FGD1: variants seen among roughly 807,000 people sequenced by gnomAD.
FGD1 encodes FYVE, RhoGEF and PH domain-containing protein 1.
In FGD1, 12 loss-of-function variants were observed where a neutral mutation model predicts 65.0. The ratio of observed to expected loss-of-function variants is 0.18; its 90% confidence interval spans 0.12 to 0.30. FGD1 has a LOEUF of 0.30. Ranked by LOEUF, FGD1 falls within the 10% of genes least tolerant of loss-of-function variation. The pLI is 1.00. For synonymous variants in FGD1, 333 were observed against 343.9 expected (o/e 0.97, Z 0.35); for missense variants, 542 against 837.6 (o/e 0.65, Z 4.36).
intron 8 of FGD1, among the ~76,000 whole-genome samples, chrX:54,461,798 G>A (rs1301144558): frequency 9.2e-6 from 1 of 108,500 alleles, no homozygotes; most frequent in Non-Finnish European, 1.9e-5. Flanking sequence ...TCTGTAGGAT[G>A]GACCTGGAGA....
Position 54,465,853 on chromosome X carries a change from C to A in FGD1, c.1341-1G>T. On this transcript the variant is annotated splice_acceptor_variant, in intron 6 of 17. Coordinates refer to ENST00000375135, the MANE Select transcript of FGD1 (RefSeq NM_004463.3). LOFTEE classifies it high-confidence loss of function. ...GTCTCCAATGCGTGGATAGCGGTCC[C>A]TGGGGTGGAATTAGGGGCTGATGTG... 8.3e-7 allele frequency: 1 copy of A among 1,211,660 alleles called. No homozygotes were observed. The highest frequency in any genetic ancestry group is 1.1e-6 in the Non-Finnish European group (1 of 895,450).
chrX:54,471,301 C>T lies in FGD1; in HGVS notation c.481+13G>A, dbSNP rs773817065. On this transcript the variant is annotated intron_variant, in intron 2 of 17. Coordinates refer to ENST00000375135, the MANE Select transcript of FGD1 (RefSeq NM_004463.3). ...CCTGGGCCACTTCTCTGCTCTTTTC[C>T]AGGACCACTTACCCTGTGGCTTCGG... The T allele has an allele frequency of 1.7e-6, 2 of 1,208,368 alleles. No homozygotes were observed. Among genetic ancestry groups the T allele is most frequent in the East Asian group, 5.9e-5 (2 of 33,755 alleles).
Position 54,484,269 on chromosome X carries a change from C to G in FGD1, c.307+10857G>C, listed in dbSNP as rs778525006. ...AAATATCTCCTTTGCCCTGTCCGCC[C>G]ACTCCCCCCACCCTCATGTGTTCTT... On this transcript the variant is annotated intron_variant, in intron 1 of 17. Transcript: ENST00000375135. Among the ~76,000 whole-genome samples, 412 of 110,764 alleles carry G rather than the reference C, an allele frequency of 3.7e-3. 2 individuals are homozygous for G. The highest frequency in any genetic ancestry group is 0.013 in the African/African-American group (399 of 30,435).
chrX:54,487,807 A>G (rs1370200372), intron 1 of FGD1, among the ~76,000 whole-genome samples: 5 of 109,313 alleles, frequency 4.6e-5, no homozygotes, highest in African/African-American at 1.7e-4. Flanking sequence ...AAAATTAGCC[A>G]AGCATGGTGG....
chrX:54,457,480 T>C (rs1922530026), intron 8 of FGD1, among the ~76,000 whole-genome samples: 1 of 111,714 alleles, frequency 9.0e-6, no homozygotes, highest in East Asian at 2.8e-4. Flanking sequence ...ACCTCTTCCC[T>C]GCCAAAAAAA....
intron 1 of FGD1, among the ~76,000 whole-genome samples, chrX:54,477,709 G>A (rs759543928): frequency 2.0e-3 from 221 of 111,147 alleles, no homozygotes; most frequent in African/African-American, 6.3e-3. Flanking sequence ...GATTACAGGC[G>A]TAAGCCACCA....
intron 8 of FGD1, among the ~76,000 whole-genome samples, chrX:54,461,600 CAAAAAAA>C (rs1165040158): frequency 0.24 from 4,271 of 17,666 alleles, 317 homozygotes; most frequent in African/African-American, 0.46. Context: ...GACTCTGTCT[CAAAAAAA>C]AAAAAAAAAA....
intron 10 of FGD1, 100 bp downstream of exon 10, chrX:54,456,120 G>T (rs1922497645): frequency 1.0e-6 from 1 of 953,063 alleles, no homozygotes; most frequent in Non-Finnish European, 1.5e-6. Context: ...CCTCTTTCAG[G>T]AATGAAAGGA....
At chrX:54,493,889 G>A (rs1255688489) in intron 1 of FGD1, among the ~76,000 whole-genome samples, 3 of 112,473 alleles carry the variant, frequency 2.7e-5, no homozygotes, top group Non-Finnish European at 3.8e-5. Context: ...GCAAGGCCAC[G>A]GTCCCAGAGA....
At chrX:54,473,621 C>A (rs6614242) in intron 1 of FGD1, among the ~76,000 whole-genome samples, 1 of 112,300 alleles carries the variant, frequency 8.9e-6, no homozygotes, top group Non-Finnish European at 1.9e-5. Flanking sequence ...AAACCCAGTA[C>A]AGTATAACAA....
chrX:54,472,373 A>C (rs1350647223), intron 1 of FGD1, among the ~76,000 whole-genome samples: 3 of 111,408 alleles, frequency 2.7e-5, no homozygotes, highest in Non-Finnish European at 3.8e-5. Context: ...ACACAGACCC[A>C]CATGCATCTT....
Position 54,447,582 on chromosome X carries a change from A to G in FGD1, c.2437-128T>C, listed in dbSNP as rs192659061. Reference sequence around the variant, plus strand: ...ATGAAGACGCTCAAGCTCAGGTGGCAGGAGTGATTTGTCCAGTGCCACCCA... The same window carrying G: ...ATGAAGACGCTCAAGCTCAGGTGGCGGGAGTGATTTGTCCAGTGCCACCCA... On this transcript the variant is annotated intron_variant, in intron 16 of 17. Coordinates refer to ENST00000375135, the MANE Select transcript of FGD1 (RefSeq NM_004463.3). 2,867 of 736,342 alleles carry G rather than the reference A, an allele frequency of 3.9e-3. 45 individuals are homozygous for G. In the African/African-American group the frequency reaches 0.053, roughly 14 times the overall value. 60.7% of individuals were successfully genotyped at this position (736,342 alleles called of 1,213,427 possible).
intron 1 of FGD1, among the ~76,000 whole-genome samples, chrX:54,494,402 CTTTTT>C (rs56235590): frequency 1.6e-5 from 1 of 60,741 alleles, no homozygotes. Context: ...CACCGTCTTT[CTTTTT>C]TTTTTTTTTT....
At chrX:54,473,073 T>C (rs111652838) in intron 1 of FGD1, among the ~76,000 whole-genome samples, 20 of 111,495 alleles carry the variant, frequency 1.8e-4, no homozygotes, top group Non-Finnish European at 3.4e-4. Flanking sequence ...CACAAAGACC[T>C]GCGGCCACAA....
At chrX:54,453,304 C>G (rs1922424134) in intron 12 of FGD1, among the ~76,000 whole-genome samples, 3 of 111,926 alleles carry the variant, frequency 2.7e-5, no homozygotes, top group Admixed American at 9.5e-5. Flanking sequence ...ATCTCACATT[C>G]ATCTCTCTCT....
intron 1 of FGD1, among the ~76,000 whole-genome samples, chrX:54,493,396 G>A (rs1199038764): frequency 8.9e-6 from 1 of 111,940 alleles, no homozygotes; most frequent in Non-Finnish European, 1.9e-5. Flanking sequence ...GGCAATAAAC[G>A]AGTAGACACA....
intron 1 of FGD1, among the ~76,000 whole-genome samples, chrX:54,486,062 C>T (rs998924419): frequency 7.3e-5 from 8 of 109,159 alleles, no homozygotes; most frequent in African/African-American, 1.0e-4. Flanking sequence ...CGTGAGCCAC[C>T]GTGCCCGGCA....
chrX:54,447,259 G>A, intron 17 of FGD1, 52 bp downstream of exon 17: 4 of 1,186,290 alleles, frequency 3.4e-6, no homozygotes, highest in Non-Finnish European at 4.6e-6. Flanking sequence ...GTCAAGGACT[G>A]GATCTGGCTT....
chrX:54,456,927 G>A (rs770946293), intron 8 of FGD1, among the ~76,000 whole-genome samples: 11 of 111,061 alleles, frequency 9.9e-5, no homozygotes, highest in South Asian at 3.8e-4. Context: ...CACCGCACCC[G>A]GCCTCGGGGC....
Sources: allele counts gnomAD v4.1 joint callset (sites outside exome capture counted in the v4.1 genomes callset), GRCh38; gene constraint gnomAD v4.1.1; transcripts MANE v1.5; gene names NCBI Gene and HGNC (gene_info 2026-07-23, HGNC 2026-07-21).